The following SEPTIN6 variants were observed in gnomAD, a reference collection of about 807,000 sequenced individuals.
SEPTIN6 encodes septin-6.
Under a neutral mutation model 33.6 loss-of-function variants are expected in SEPTIN6, and 8 were observed. The observed-to-expected ratio is 0.24, with a 90% CI of 0.14 to 0.43. The LOEUF (loss-of-function observed/expected upper bound fraction) is 0.43, where lower values mean the gene tolerates loss of function less well. Ranked by LOEUF, SEPTIN6 falls within the 20% of genes least tolerant of loss-of-function variation. The pLI, the probability that SEPTIN6 is intolerant of heterozygous loss-of-function variation, is 1.00. For synonymous variants in SEPTIN6, 131 were observed against 140.0 expected, an observed-to-expected ratio of 0.94 and a Z score of 0.45; for missense variants, 250 against 340.8, an observed-to-expected ratio of 0.73 and a Z score of 2.10.
chrX:119,638,155 G>A (rs1030895109), intron 6 of SEPTIN6, among the ~76,000 whole-genome samples: 4 of 111,595 alleles, frequency 3.6e-5, no homozygotes, highest in African/African-American at 9.8e-5. Context: ...GGTGTGGACC[G>A]CAGGCATGGC....
At chrX:119,638,529 A>G (rs1204730362) in intron 6 of SEPTIN6, among the ~76,000 whole-genome samples, 4 of 111,652 alleles carry the variant, frequency 3.6e-5, no homozygotes, top group Non-Finnish European at 7.5e-5. Flanking sequence ...AGGGTCTGGA[A>G]GAGGGTAGTG....
chrX:119,644,762 C>T (rs934140063), intron 5 of SEPTIN6, among the ~76,000 whole-genome samples: 1 of 108,283 alleles, frequency 9.2e-6, no homozygotes, highest in Non-Finnish European at 1.9e-5. Context: ...CAGAGAATTG[C>T]TTGAACCTGG....
intron 1 of SEPTIN6, among the ~76,000 whole-genome samples, chrX:119,687,439 T>C (rs1338439212): frequency 3.6e-5 from 4 of 110,215 alleles, no homozygotes; most frequent in African/African-American, 6.6e-5. Flanking sequence ...TTAGTAGAGA[T>C]GGGGTTTCAC....
At chrX:119,631,172 T>C (rs1320234325) in intron 8 of SEPTIN6, among the ~76,000 whole-genome samples, 1 of 107,442 alleles carries the variant, frequency 9.3e-6, no homozygotes, top group East Asian at 2.9e-4. Flanking sequence ...GATCTTTTCT[T>C]TTTTCTTTTC....
At chrX:119,637,469 A>C (rs1366047164) in intron 6 of SEPTIN6, among the ~76,000 whole-genome samples, 2 of 112,015 alleles carry the variant, frequency 1.8e-5, no homozygotes, top group South Asian at 3.7e-4. Flanking sequence ...CCCTCAAAAG[A>C]ATGTTTGGTC....
At position 119,649,976 on chromosome X, in the gene SEPTIN6, T is replaced by C. The variant is rs1261707892; in HGVS notation, c.651A>G (p.Thr217=). The C allele has an allele frequency of 8.3e-7, 1 of 1,211,703 alleles. No homozygotes were observed. Among genetic ancestry groups the C allele is most frequent in the Non-Finnish European group, 1.1e-6 (1 of 895,082 alleles). ...TGATCTCTGCCACCGACTCATCATC[T>C]GTAGGAAACTGATAGATCTGGACTC... The part of the protein sequence containing the change: ...SNGVQIYQFP[T]DDESVAEING... Residue 217 remains threonine (T), a synonymous_variant, in exon 5 of 11, where the codon ACA becomes ACG. Transcript: ENST00000394610.
intron 1 of SEPTIN6, among the ~76,000 whole-genome samples, chrX:119,689,192 T>C (rs1420763230): frequency 9.0e-6 from 1 of 111,654 alleles, no homozygotes; most frequent in Non-Finnish European, 1.9e-5. Flanking sequence ...GCCAGAATCA[T>C]CCAGATGCTC....
At chrX:119,642,177 C>CAAAAAA (rs1188953936) in intron 5 of SEPTIN6, among the ~76,000 whole-genome samples, 4 of 45,361 alleles carry the variant, frequency 8.8e-5, no homozygotes, top group Admixed American at 3.2e-4. Flanking sequence ...GACCCAGTCT[C>CAAAAAA]AAAAAAAAAA....
In SEPTIN6 at chrX:119,627,481, A is replaced by T. The variant is rs561397728; in HGVS notation, c.1280+1837T>A. On this transcript the variant is annotated intron_variant, in intron 9 of 10. Transcript: ENST00000394610. ...GGTCTTACAGTCATTCCACAGATTG[A>T]GGATGGGGCACATGCAGCATACACT... 1.5e-4 allele frequency among the ~76,000 whole-genome samples: 17 copies of T among 111,061 alleles called. No individual in the cohort carries two copies. In the South Asian group the frequency reaches 6.4e-3, roughly 42 times the overall value.
intron 1 of SEPTIN6, among the ~76,000 whole-genome samples, chrX:119,681,057 T>C (rs1212483875): frequency 9.0e-6 from 1 of 111,257 alleles, no homozygotes; most frequent in Admixed American, 9.7e-5. Flanking sequence ...CACCCTTGCT[T>C]TGATGAATCT....
At chrX:119,657,679 A>AT (rs112010913) in intron 3 of SEPTIN6, among the ~76,000 whole-genome samples, 8,884 of 110,428 alleles carry the variant, frequency 0.08, 321 homozygotes, top group South Asian at 0.12. Flanking sequence ...CACCTGGCTA[A>AT]TTTTTTATTT....
chrX:119,692,117 TCCCAGA>T (rs1459192009), intron 1 of SEPTIN6, among the ~76,000 whole-genome samples: 1 of 110,463 alleles, frequency 9.1e-6, no homozygotes, highest in Non-Finnish European at 1.9e-5. Context: ...ATTTTTTTTT[TCCCAGA>T]GTCGGTCGCC....
At chrX:119,679,070 C>T (rs2054900571) in intron 1 of SEPTIN6, among the ~76,000 whole-genome samples, 1 of 110,377 alleles carries the variant, frequency 9.1e-6, no homozygotes, top group South Asian at 3.9e-4. Context: ...GCCTCAGCCT[C>T]CCGAGTAGCT....
Position 119,680,528 on chromosome X carries a change from C to T in SEPTIN6, c.31-4860G>A, listed in dbSNP as rs139540478. Among the ~76,000 whole-genome samples the T allele has an allele frequency of 4.1e-3, 454 of 109,507 alleles. 6 individuals are homozygous for T. Among genetic ancestry groups the T allele is most frequent in the African/African-American group, 0.014 (420 of 30,180 alleles). Reference sequence around the variant, plus strand: ...CCAGCCACTGGTGACTTTTAGAATCCTTATTTCTTTTGTATCTGTTACCCA... The same window carrying T: ...CCAGCCACTGGTGACTTTTAGAATCTTTATTTCTTTTGTATCTGTTACCCA... On this transcript the variant is annotated intron_variant, in intron 1 of 10. Coordinates refer to ENST00000394610, the MANE Select transcript of SEPTIN6 (RefSeq NM_145799.4).
Position 119,692,948 on chromosome X carries a change from G to T in SEPTIN6, c.30+128C>A, listed in dbSNP as rs191655788. On this transcript the variant is annotated intron_variant, in intron 1 of 10. Transcript: ENST00000394610. ...TGAGCTGCTGACCCCGGGAGCAGAA[G>T]TCCCACCGTGCCCTTGGCTCCTGGA... 908 of 677,541 alleles carry T rather than the reference G, an allele frequency of 1.3e-3. 1 individual carries two copies. The highest frequency in any genetic ancestry group is 1.8e-3 in the Non-Finnish European group (796 of 435,659). 55.8% of individuals were successfully genotyped at this position (677,541 alleles called of 1,213,427 possible).
intron 3 of SEPTIN6, among the ~76,000 whole-genome samples, chrX:119,658,186 T>A (rs2054485249): frequency 8.9e-6 from 1 of 112,338 alleles, no homozygotes; most frequent in Non-Finnish European, 1.9e-5. Context: ...ATTTTCAGTT[T>A]GCTGATTATC....
intron 8 of SEPTIN6, among the ~76,000 whole-genome samples, chrX:119,630,649 C>G (rs2053941250): frequency 8.9e-6 from 1 of 111,800 alleles, no homozygotes; most frequent in Non-Finnish European, 1.9e-5. Context: ...TCAATCCCAG[C>G]ACTTTGGGAG....
At chrX:119,631,380 C>T (rs1278851478) in intron 8 of SEPTIN6, among the ~76,000 whole-genome samples, 1 of 106,958 alleles carries the variant, frequency 9.3e-6, no homozygotes, top group East Asian at 3.0e-4. Flanking sequence ...CGGGGTTTCA[C>T]TGAGTTAGCC....
chrX:119,641,425 C>T (rs749932928), intron 5 of SEPTIN6, among the ~76,000 whole-genome samples: 2 of 112,109 alleles, frequency 1.8e-5, no homozygotes, highest in Non-Finnish European at 3.8e-5. Flanking sequence ...AGACACGCTC[C>T]CTCGCCCTCT....
Sources: gnomAD v4.1 joint callset for allele counts (sites outside exome capture counted in the v4.1 genomes callset) on GRCh38, gnomAD v4.1.1 for gene constraint, MANE v1.5 for transcripts, NCBI Gene and HGNC (gene_info 2026-07-23, HGNC 2026-07-21) for gene names.